The following EVI5 variants were observed in gnomAD, a reference collection of about 807,000 sequenced individuals.
EVI5 encodes ecotropic viral integration site 5.
EVI5 carries 73 observed loss-of-function variants against 112.0 expected under a neutral mutation model. The observed-to-expected ratio is 0.65, with a 90% CI of 0.54 to 0.79. The LOEUF is 0.79. EVI5 is among the 30% of genes least tolerant of loss of function. EVI5 has a pLI of 0.00. For missense variants in EVI5, 900 were observed against 968.8 expected (o/e 0.93, Z 0.94); for synonymous variants, 305 against 319.9 (o/e 0.95, Z 0.50).
intron 19 of EVI5, among the ~76,000 whole-genome samples, chr1:92,553,297 A>ATTTT (rs147973775): frequency 3.2e-4 from 24 of 74,206 alleles, no homozygotes; most frequent in African/African-American, 5.2e-4. Flanking sequence ...CACCTGGCCA[A>ATTTT]TTTTTTTTTT....
intron 19 of EVI5, among the ~76,000 whole-genome samples, chr1:92,548,850 C>A (rs908785778): frequency 1.3e-5 from 2 of 152,122 alleles, no homozygotes; most frequent in Non-Finnish European, 2.9e-5. Context: ...TAAAAGAGGA[C>A]ACAAACAAAT....
At chr1:92,728,978 T>A (rs1319319736) in intron 2 of EVI5, among the ~76,000 whole-genome samples, 1 of 152,324 alleles carries the variant, frequency 6.6e-6, no homozygotes, top group South Asian at 2.1e-4. Context: ...TTTTACTTAA[T>A]AACGGCCCCA....
At position 92,682,828 on chromosome 1, in the gene EVI5, T is replaced by C. The variant is rs534567693; in HGVS notation, c.1098-5610A>G. On this transcript the variant is annotated intron_variant, in intron 9 of 19. Transcript: ENST00000684568. ...CTACCTGAAATTTCCTCCTCTGCCA[T>C]CATCCTATGCCATCCTGTGGTCTTA... 6.6e-5 allele frequency among the ~76,000 whole-genome samples: 10 copies of C among 152,362 alleles called. No individual in the cohort carries two copies. In the East Asian group the frequency reaches 1.9e-3, roughly 29 times the overall value.
At chr1:92,593,720 A>T (rs1674413867) in intron 18 of EVI5, among the ~76,000 whole-genome samples, 1 of 152,202 alleles carries the variant, frequency 6.6e-6, no homozygotes, top group Non-Finnish European at 1.5e-5. Context: ...ACTTCAGCAA[A>T]GTCTCAGGAT....
intron 2 of EVI5, among the ~76,000 whole-genome samples, chr1:92,710,689 G>A (rs947541064): frequency 1.3e-5 from 2 of 151,450 alleles, no homozygotes; most frequent in Admixed American, 6.6e-5. Context: ...TTCTCTTAGA[G>A]TAGCTCCTGA....
chr1:92,716,847 C>T (rs1372668876), intron 2 of EVI5, among the ~76,000 whole-genome samples: 14 of 125,120 alleles, frequency 1.1e-4, no homozygotes, highest in Admixed American at 7.0e-4. Flanking sequence ...ATAGCCAATT[C>T]GATTCTAAAA....
At chr1:92,679,477 C>A (rs1318198105) in intron 9 of EVI5, among the ~76,000 whole-genome samples, 3 of 151,966 alleles carry the variant, frequency 2.0e-5, no homozygotes, top group African/African-American at 7.3e-5. Context: ...CATTTATACA[C>A]CTAAAAATAA....
intron 2 of EVI5, among the ~76,000 whole-genome samples, chr1:92,707,346 T>C (rs1041106144): frequency 2.6e-5 from 4 of 151,140 alleles, no homozygotes; most frequent in Non-Finnish European, 5.9e-5. Flanking sequence ...GATACTATTT[T>C]AAAAATGAAA....
At position 92,664,510 on chromosome 1, in the gene EVI5, T is replaced by C. The variant is rs186205173; in HGVS notation, c.1213-1058A>G. On this transcript the variant is annotated intron_variant, in intron 11 of 19. Coordinates refer to ENST00000684568, the MANE Select transcript of EVI5 (RefSeq NM_001350197.2). ...TAAAAAAAAAAAAAAACTAAGAAGA[T>C]GCATATTTGACTGTAAGCTAGATAT... Among the ~76,000 whole-genome samples the C allele has an allele frequency of 5.7e-5, 8 of 141,138 alleles. No individual in the cohort carries two copies. In the South Asian group the frequency reaches 9.0e-4, roughly 16 times the overall value. 92.6% of individuals were successfully genotyped at this position (141,138 alleles called of 152,430 possible).
intron 19 of EVI5, among the ~76,000 whole-genome samples, chr1:92,534,895 A>G (rs952043786): frequency 6.6e-6 from 1 of 152,210 alleles, no homozygotes; most frequent in Admixed American, 6.5e-5. Context: ...ACCAAAAGCA[A>G]TGGCAACAAA....
At chr1:92,622,602 C>A (rs974505932) in intron 16 of EVI5, among the ~76,000 whole-genome samples, 2 of 152,136 alleles carry the variant, frequency 1.3e-5, no homozygotes, top group Non-Finnish European at 2.9e-5. Context: ...GTGTTTGATA[C>A]AATAATCTTT....
At chr1:92,545,264 C>G (rs2100673864) in intron 19 of EVI5, among the ~76,000 whole-genome samples, 1 of 151,968 alleles carries the variant, frequency 6.6e-6, no homozygotes, top group Middle Eastern at 3.4e-3. Context: ...AAAAGAGAGA[C>G]AGGGTCTTGC....
chr1:92,575,107 C>A (rs1028522057), intron 18 of EVI5, among the ~76,000 whole-genome samples: 4 of 152,202 alleles, frequency 2.6e-5, no homozygotes, highest in Non-Finnish European at 4.4e-5. Flanking sequence ...TTACAACTTA[C>A]AAAATTTTCC....
chr1:92,745,938 G>C (rs1679189059), intron 1 of EVI5, among the ~76,000 whole-genome samples: 1 of 152,160 alleles, frequency 6.6e-6, no homozygotes, highest in Non-Finnish European at 1.5e-5. Context: ...CTTGGCCTAA[G>C]GATGCCCATG....
intron 13 of EVI5, among the ~76,000 whole-genome samples, chr1:92,643,210 A>G (rs1557980377): frequency 6.6e-6 from 1 of 151,830 alleles, no homozygotes; most frequent in Non-Finnish European, 1.5e-5. Context: ...AGTTTAATCT[A>G]TATCTCAGTT....
intron 18 of EVI5, among the ~76,000 whole-genome samples, chr1:92,596,089 G>A (rs1647762973): frequency 6.6e-6 from 1 of 152,124 alleles, no homozygotes; most frequent in African/African-American, 2.4e-5. Context: ...GGGCTTGGTG[G>A]CTCATGTCTG....
At chr1:92,558,907 TAAC>T (rs943913224) in intron 19 of EVI5, among the ~76,000 whole-genome samples, 2 of 149,354 alleles carry the variant, frequency 1.3e-5, no homozygotes, top group African/African-American at 2.5e-5. Flanking sequence ...AAAAAACCCC[TAAC>T]AACAACAACA....
chr1:92,715,974 G>A (rs763821041), intron 2 of EVI5, among the ~76,000 whole-genome samples: 13 of 152,058 alleles, frequency 8.5e-5, no homozygotes, highest in Non-Finnish European at 1.5e-4. Flanking sequence ...AAACTTGTCG[G>A]AGCCCACCAA....
intron 1 of EVI5, among the ~76,000 whole-genome samples, chr1:92,743,053 G>T (rs934675571): frequency 6.6e-6 from 1 of 152,150 alleles, no homozygotes; most frequent in African/African-American, 2.4e-5. Context: ...CTATTATTCA[G>T]CCTTAAAAAG....
Sources: allele counts gnomAD v4.1 joint callset (sites outside exome capture counted in the v4.1 genomes callset), GRCh38; gene constraint gnomAD v4.1.1; transcripts MANE v1.5; gene names NCBI Gene and HGNC (gene_info 2026-07-23, HGNC 2026-07-21).